MYH13: variants seen among roughly 807,000 people sequenced by gnomAD.
The protein encoded by MYH13 is myosin heavy chain 13, also known as myosin-13.
MYH13 carries 177 observed loss-of-function variants against 232.1 expected under a neutral mutation model. The ratio of observed to expected loss-of-function variants is 0.76; its 90% confidence interval spans 0.67 to 0.86. The LOEUF (loss-of-function observed/expected upper bound fraction) is 0.86, where lower values mean the gene tolerates loss of function less well. Ranked by LOEUF, MYH13 falls within the 40% of genes least tolerant of loss-of-function variation. MYH13 has a pLI of 0.00. For missense variants in MYH13, 2,246 were observed against 2,405.9 expected, an observed-to-expected ratio of 0.93 and a Z score of 1.39; for synonymous variants, 884 against 923.5, an observed-to-expected ratio of 0.96 and a Z score of 0.78.
intron 12 of MYH13, among the ~76,000 whole-genome samples, chr17:10,347,001 C>T (rs530727095): frequency 6.6e-6 from 1 of 152,290 alleles, no homozygotes; most frequent in African/African-American, 2.4e-5. Flanking sequence ...TCCAATTTGC[C>T]TCCTAGATGC....
chr17:10,319,774 A>G (rs999675425), intron 26 of MYH13, among the ~76,000 whole-genome samples: 3 of 152,204 alleles, frequency 2.0e-5, no homozygotes, highest in African/African-American at 7.2e-5. Context: ...CTGCATGTGT[A>G]CTATATATTT....
chr17:10,319,006 C>G lies in MYH13; in HGVS notation c.3522G>C (p.Glu1174Asp). Residue 1174 changes from glutamate (E) to aspartate (D), a missense_variant, in exon 27 of 41, where the codon GAG becomes GAC. Physicochemically the swap from Glu to Asp is conservative, Grantham distance 45 (BLOSUM62 2). Coordinates refer to ENST00000252172, the MANE Select transcript of MYH13 (RefSeq NM_003802.3). Reference protein sequence around the residue: ...QIEMNKKREAEFQKMRRDLEE... With the variant: ...QIEMNKKREADFQKMRRDLEE... ...CCAGGTCCCTGCGCATTTTCTGGAA[C>G]TCAGCCTCCCTCTTCTTGTTCATCT... 1 of 1,614,170 alleles carries G rather than the reference C, an allele frequency of 6.2e-7. No homozygotes were observed.
intron 39 of MYH13, 86 bp downstream of exon 39, chr17:10,303,110 A>T: frequency 1.7e-6 from 2 of 1,169,986 alleles, no homozygotes; most frequent in South Asian, 2.7e-5. Context: ...GGCTCAGGGG[A>T]CTTTACCAAC....
At chr17:10,354,812 C>T in intron 10 of MYH13, 29 bp from the exon 11 acceptor site, 1 of 1,602,816 alleles carries the variant, frequency 6.2e-7, no homozygotes, top group Non-Finnish European at 8.5e-7. Context: ...CCTTTAATGG[C>T]TTATGCATAA....
At chr17:10,363,491 C>T (rs1258477823) in intron 3 of MYH13, among the ~76,000 whole-genome samples, 1 of 151,980 alleles carries the variant, frequency 6.6e-6, no homozygotes, top group Non-Finnish European at 1.5e-5. Context: ...AAAGGCCTTC[C>T]ACTCCACCAC....
At chr17:10,303,154 A>G in intron 39 of MYH13, 42 bp downstream of exon 39, 1 of 1,567,234 alleles carries the variant, frequency 6.4e-7, no homozygotes. Context: ...TGCCCCAGGG[A>G]CTGTCTGTCT....
intron 21 of MYH13, among the ~76,000 whole-genome samples, chr17:10,328,574 G>A (rs999152987): frequency 6.6e-6 from 1 of 151,894 alleles, no homozygotes; most frequent in Non-Finnish European, 1.5e-5. Context: ...GCCATATGGG[G>A]TTCCTCTTCC....
intron 22 of MYH13, among the ~76,000 whole-genome samples, chr17:10,326,996 T>TTGAGACGGAGTC (rs1907229626): frequency 3.1e-5 from 1 of 31,760 alleles, no homozygotes; most frequent in Admixed American, 3.5e-4. Flanking sequence ...TTTTTTTTTT[T>TTGAGACGGAGTC]TTTTTTTTTT....
In MYH13 at chr17:10,306,269, T is replaced by TGTGTGTGTGTGTGTGTG. The variant is rs1906282710; in HGVS notation, c.5466+189_5466+190insCACACACACACACACAC. Among the ~76,000 whole-genome samples the TGTGTGTGTGTGTGTGTG allele has an allele frequency of 1.1e-4, 15 of 141,594 alleles. No individual in the cohort carries two copies. The highest frequency in any genetic ancestry group is 4.7e-4 in the South Asian group (2 of 4,290). 92.9% of individuals were successfully genotyped at this position (141,594 alleles called of 152,430 possible). On this transcript the variant is annotated intron_variant, in intron 37 of 40. Coordinates refer to ENST00000252172, the MANE Select transcript of MYH13 (RefSeq NM_003802.3). The surrounding 1 kb of genome is among the most constrained non-coding windows in gnomAD (Gnocchi z 4.3). The stretch of plus-strand genomic sequence containing the variant: ...GTGTGTGTGTGTGTGTGTGTGTGTG[T>TGTGTGTGTGTGTGTGTG]TTTGGGGCATAGGAACAGGTGAAAC...
Position 10,306,698 on chromosome 17 carries a change from C to T in MYH13, c.5296-69G>A, listed in dbSNP as rs1158989586. 10 of 1,594,816 alleles carry T rather than the reference C, an allele frequency of 6.3e-6. No homozygotes were observed. The highest frequency in any genetic ancestry group is 3.4e-5 in the South Asian group (3 of 88,510). On this transcript the variant is annotated intron_variant, in intron 36 of 40. Coordinates refer to ENST00000252172, the MANE Select transcript of MYH13 (RefSeq NM_003802.3). This position sits in a 1 kb window ranked among gnomAD's most constrained non-coding sequence, Gnocchi z 4.3. ...CCCTACCCAGAGCTTGCAGAAGAGG[C>T]GAAGGCTGGGATCATGGTGCTGAGC...
chr17:10,330,507 C>T lies in MYH13; in HGVS notation c.2315G>A (p.Gly772Glu). Residue 772 changes from glycine to glutamate, a missense_variant, in exon 21 of 41, where the codon GGG becomes GAG. Gly to Glu is a moderately conservative substitution (Grantham distance 98). Coordinates refer to ENST00000252172, the MANE Select transcript of MYH13 (RefSeq NM_003802.3). ...CATCTCCTCCAAAAGTCCCAGGAGC[C>T]CAGCTTTGAAAAACACCTGCATTAA... ...FGNTKVFFKA[G>E]LLGLLEEMRD... The T allele has an allele frequency of 6.2e-7, 1 of 1,610,112 alleles. No individual in the cohort carries two copies. The highest frequency in any genetic ancestry group is 8.5e-7 in the Non-Finnish European group (1 of 1,178,896).
intron 20 of MYH13, among the ~76,000 whole-genome samples, chr17:10,331,850 G>A (rs1425178311): frequency 4.6e-5 from 7 of 152,272 alleles, no homozygotes; most frequent in African/African-American, 1.4e-4. Flanking sequence ...GGACACTAGA[G>A]TTCCCCATTG....
chr17:10,349,733 A>G (rs2071695234), intron 12 of MYH13, among the ~76,000 whole-genome samples: 1 of 152,180 alleles, frequency 6.6e-6, no homozygotes, highest in Non-Finnish European at 1.5e-5. Flanking sequence ...GGCCTAGGAT[A>G]GAAGGTTGGT....
At chr17:10,310,301 G>A (rs1906465128) in intron 33 of MYH13, among the ~76,000 whole-genome samples, 1 of 152,006 alleles carries the variant, frequency 6.6e-6, no homozygotes, top group Admixed American at 6.6e-5. Flanking sequence ...ATGTTGCCTA[G>A]GCTGGTCTCG....
At chr17:10,358,918 T>G (rs1450491604) in intron 7 of MYH13, among the ~76,000 whole-genome samples, 3 of 152,208 alleles carry the variant, frequency 2.0e-5, no homozygotes, top group Non-Finnish European at 4.4e-5. Context: ...ACATTCCTTC[T>G]CCAGAGGAGG....
chr17:10,334,673 G>A (rs1221236815), intron 18 of MYH13, among the ~76,000 whole-genome samples: 1 of 152,094 alleles, frequency 6.6e-6, no homozygotes, highest in Non-Finnish European at 1.5e-5. Flanking sequence ...GAGGTCAGGA[G>A]TTCAAGACCA....
Position 10,307,007 on chromosome 17 carries a change from C to G in MYH13, c.5227G>C (p.Ala1743Pro). 6.2e-7 allele frequency: 1 copy of G among 1,613,996 alleles called. No individual in the cohort carries two copies. The highest frequency in any genetic ancestry group is 8.5e-7 in the Non-Finnish European group (1 of 1,179,902). ...TCCTGGATCGAGTTCTCCACCTCTG[C>G]CTGGCACTGAGCTATGTCAGCCTCC... ...KLEADIAQCQ[A>P]EVENSIQESR... The change falls in exon 36 of 41, where the codon GCA (alanine) becomes CCA (proline). Residue 1743 changes from alanine (A) to proline (P), a missense_variant. Coordinates refer to ENST00000252172, the MANE Select transcript of MYH13 (RefSeq NM_003802.3).
At chr17:10,344,430 A>C (rs1442926990) in intron 15 of MYH13, among the ~76,000 whole-genome samples, 1 of 152,200 alleles carries the variant, frequency 6.6e-6, no homozygotes, top group African/African-American at 2.4e-5. Flanking sequence ...TAATATTTTG[A>C]ACAATAATGT....
intron 18 of MYH13, among the ~76,000 whole-genome samples, chr17:10,333,615 A>C (rs527702828): frequency 9.8e-4 from 150 of 152,298 alleles, no homozygotes; most frequent in Non-Finnish European, 1.7e-3. Flanking sequence ...CCAGCAAAGA[A>C]GAGGAGGCCG....
Sources: gnomAD v4.1 joint callset for allele counts (sites outside exome capture counted in the v4.1 genomes callset) on GRCh38, gnomAD v4.1.1 for gene constraint, Gnocchi (gnomAD v3.1) non-coding constraint, MANE v1.5 for transcripts, NCBI Gene and HGNC (gene_info 2026-07-23, HGNC 2026-07-21) for gene names.